Variants in PNKD observed in about 807,000 individuals in gnomAD.
The protein encoded by PNKD is probable thioesterase PNKD.
A neutral mutation model predicts 45.3 loss-of-function variants in PNKD; 36 were observed. That is an observed-to-expected ratio of 0.80 (90% CI 0.61 to 1.05). PNKD has a LOEUF of 1.05. PNKD is among the 50% of genes least tolerant of loss of function. The probability of loss-of-function intolerance (pLI) is 0.00; values close to 1 mark genes in which losing one functional copy is unlikely to be tolerated. For synonymous variants in PNKD, 197 were observed against 210.1 expected, an observed-to-expected ratio of 0.94 and a Z score of 0.54; for missense variants, 511 against 506.6, an observed-to-expected ratio of 1.01 and a Z score of -0.08.
intron 2 of PNKD, chr2:218,277,562 TGCCG>T (rs1559501173): frequency 6.2e-7 from 1 of 1,610,898 alleles, no homozygotes; most frequent in East Asian, 2.2e-5. Context: ...CGCAGCTGGC[TGCCG>T]GCCCAGGAAC....
At chr2:218,324,264 C>T (rs898279822) in intron 2 of PNKD, among the ~76,000 whole-genome samples, 1 of 152,232 alleles carries the variant, frequency 6.6e-6, no homozygotes, top group African/African-American at 2.4e-5. Context: ...GGGTCAGGAC[C>T]TCAAGCCCCA....
chr2:218,337,424 A>G (rs745949328), intron 2 of PNKD, among the ~76,000 whole-genome samples: 50 of 152,306 alleles, frequency 3.3e-4, no homozygotes, highest in Non-Finnish European at 5.7e-4. Flanking sequence ...TTGCTAGTTA[A>G]TAAGGAAGGA....
chr2:218,334,648 C>CA (rs1166074784), intron 2 of PNKD: 5 of 700,090 alleles, frequency 7.1e-6, no homozygotes, highest in Non-Finnish European at 1.3e-5. Flanking sequence ...GAGCAAGACC[C>CA]AAAAAAAGAA....
intron 2 of PNKD, chr2:218,276,141 C>T (rs935468182): frequency 3.2e-6 from 5 of 1,560,714 alleles, no homozygotes; most frequent in African/African-American, 2.7e-5. Context: ...GCCCACAGGC[C>T]CCAGCTTCCC....
intron 2 of PNKD, chr2:218,275,264 A>G: frequency 3.8e-6 from 2 of 522,406 alleles, no homozygotes; most frequent in Non-Finnish European, 6.3e-6. Context: ...AAGCCCACCA[A>G]GAGCAACAGT....
intron 2 of PNKD, among the ~76,000 whole-genome samples, chr2:218,301,602 C>T (rs116672450): frequency 0.012 from 1,796 of 152,176 alleles, 36 homozygotes; most frequent in African/African-American, 0.041. Context: ...GCCTGTGCAA[C>T]ATAGTGAGAC....
intron 2 of PNKD, chr2:218,327,722 C>T: frequency 6.5e-6 from 1 of 153,072 alleles, no homozygotes; most frequent in Non-Finnish European, 1.5e-5. Context: ...CTGAGCTGTT[C>T]CTGCACTTCT....
intron 2 of PNKD, among the ~76,000 whole-genome samples, chr2:218,336,570 T>TCCCA (rs1694497748): frequency 6.6e-6 from 1 of 152,046 alleles, no homozygotes; most frequent in Non-Finnish European, 1.5e-5. Flanking sequence ...AGCCTTGACC[T>TCCCA]CCTGGGTTCA....
chr2:218,275,648 A>G (rs747301224), intron 2 of PNKD: 32 of 1,599,518 alleles, frequency 2.0e-5, no homozygotes, highest in Non-Finnish European at 2.7e-5. Context: ...GCCAGAAGTG[A>G]GAACTCAGGC....
intron 2 of PNKD, chr2:218,276,092 G>A: frequency 6.2e-7 from 1 of 1,612,210 alleles, no homozygotes; most frequent in Non-Finnish European, 8.5e-7. Context: ...GGAGAAGAAG[G>A]GGACAGAGAA....
chr2:218,342,083 G>T lies in PNKD; in HGVS notation c.720G>T (p.Gly240=). 1 of 1,613,312 alleles carries T rather than the reference G, an allele frequency of 6.2e-7. No individual in the cohort carries two copies. Among genetic ancestry groups the T allele is most frequent in the Non-Finnish European group, 8.5e-7 (1 of 1,179,296 alleles). The change falls in exon 7 of 10, where the codon GGG becomes GGT. Residue 240 remains glycine, a synonymous_variant. Transcript: ENST00000273077. ...TQGHLVYLLD[G]EPYKGPSCLF... is the part of the protein sequence containing the mutation. ...GCCATCTGGTCTACCTACTGGATGGGGAGCCCTACAAGGGTCCCTCCTGCC... is the reference window on the plus strand; with the variant it reads ...GCCATCTGGTCTACCTACTGGATGGTGAGCCCTACAAGGGTCCCTCCTGCC...
chr2:218,315,130 TTTCTTTCTTTCTTTC>T (rs1401901322), intron 2 of PNKD, among the ~76,000 whole-genome samples: 3 of 147,270 alleles, frequency 2.0e-5, no homozygotes, highest in Non-Finnish European at 4.5e-5. Context: ...CCTTTCTTTC[TTTCTTTCTTTCTTTC>T]TTCTTTCTTT....
intron 2 of PNKD, among the ~76,000 whole-genome samples, chr2:218,314,681 T>C (rs1284254116): frequency 6.6e-6 from 1 of 151,964 alleles, no homozygotes; most frequent in Non-Finnish European, 1.5e-5. Context: ...AGATCAAGTA[T>C]ATTTAAGTTC....
At chr2:218,297,796 G>A (rs150265270) in intron 2 of PNKD, among the ~76,000 whole-genome samples, 4,969 of 151,130 alleles carry the variant, frequency 0.033, 267 homozygotes, top group African/African-American at 0.11. Context: ...TCAGGAGATC[G>A]AGACCATCCT....
At chr2:218,331,651 A>G (rs528534797) in intron 2 of PNKD, among the ~76,000 whole-genome samples, 1 of 152,140 alleles carries the variant, frequency 6.6e-6, no homozygotes, top group East Asian at 1.9e-4. Flanking sequence ...TATTTTTAGT[A>G]GAGACGGGGT....
At chr2:218,295,191 A>G (rs574487041) in intron 2 of PNKD, among the ~76,000 whole-genome samples, 9 of 152,338 alleles carry the variant, frequency 5.9e-5, no homozygotes, top group Non-Finnish European at 1.3e-4. Flanking sequence ...GGCAATAGGC[A>G]TTCGATAAAT....
At chr2:218,297,684 CAAAAAAAAA>C (rs71064428) in intron 2 of PNKD, among the ~76,000 whole-genome samples, 28 of 41,986 alleles carry the variant, frequency 6.7e-4, no homozygotes, top group African/African-American at 3.6e-3. Flanking sequence ...GACTCCGTCT[CAAAAAAAAA>C]AAAAAAAAAA....
chr2:218,334,663 A>G (rs1435638564), intron 2 of PNKD: 2 of 701,910 alleles, frequency 2.8e-6, no homozygotes, highest in East Asian at 5.4e-5. Flanking sequence ...AAAGAATTAT[A>G]GATTTGCATT....
At chr2:218,331,327 A>G (rs995129908) in intron 2 of PNKD, among the ~76,000 whole-genome samples, 5 of 151,984 alleles carry the variant, frequency 3.3e-5, no homozygotes, top group Non-Finnish European at 7.4e-5. Context: ...GAATCGCTTG[A>G]ACCCGGGAGG....
Sources: allele counts gnomAD v4.1 joint callset (sites outside exome capture counted in the v4.1 genomes callset), GRCh38; gene constraint gnomAD v4.1.1; transcripts MANE v1.5; gene names NCBI Gene and HGNC (gene_info 2026-07-23, HGNC 2026-07-21).